The following HERC2 variants were observed in gnomAD, a reference collection of about 807,000 sequenced individuals.
HERC2 encodes the protein E3 ubiquitin-protein ligase HERC2.
Under a neutral mutation model 537.7 loss-of-function variants are expected in HERC2, and 102 were observed. The observed-to-expected ratio is 0.19, with a 90% CI of 0.16 to 0.22. The LOEUF is 0.22. Among genes scored for constraint, HERC2 ranks in the 10% least tolerant of loss-of-function variants. HERC2 has a pLI of 1.00. For synonymous variants in HERC2, 2,224 were observed against 2,466.2 expected (o/e 0.90, Z 2.91); for missense variants, 4,236 against 6,198.2 (o/e 0.68, Z 10.63).
chr15:28,175,728 T>C (rs563685725), intron 63 of HERC2, 72 bp from the exon 64 acceptor site: 1 of 1,478,986 alleles, frequency 6.8e-7, no homozygotes. Flanking sequence ...AAGACACTCA[T>C]TGTCTCACAT....
At chr15:28,311,850 C>CTAAT (rs2076954449) in intron 2 of HERC2, among the ~76,000 whole-genome samples, 1 of 152,046 alleles carries the variant, frequency 6.6e-6, no homozygotes, top group Non-Finnish European at 1.5e-5. Context: ...GATTGAGAAA[C>CTAAT]ATTAGTGTTA....
At chr15:28,146,170 T>C (rs1286176525) in intron 71 of HERC2, 67 bp downstream of exon 71, 9 of 1,051,564 alleles carry the variant, frequency 8.6e-6, no homozygotes, top group East Asian at 4.8e-5. Context: ...GTCCTACAAA[T>C]GTGAAGGGTT....
At chr15:28,304,984 C>T (rs1010876894) in intron 2 of HERC2, among the ~76,000 whole-genome samples, 5 of 149,352 alleles carry the variant, frequency 3.3e-5, no homozygotes, top group Admixed American at 6.8e-5. Context: ...TTTATTCTTG[C>T]GATAGTTTAC....
intron 86 of HERC2, 54 bp downstream of exon 86, chr15:28,121,292 C>G: frequency 2.0e-6 from 3 of 1,523,902 alleles, no homozygotes; most frequent in Non-Finnish European, 2.7e-6. Context: ...CAGGTACCCA[C>G]GAAAGCATCA....
intron 26 of HERC2, 46 bp downstream of exon 26, chr15:28,236,917 C>A (rs28411296): frequency 1.3e-6 from 2 of 1,594,920 alleles, no homozygotes; most frequent in Non-Finnish European, 1.7e-6. Flanking sequence ...ACTTACAGTT[C>A]AAAAAAAATA....
Position 28,177,233 on chromosome 15 carries a change from A to G in HERC2, c.9255-106T>C. On this transcript the variant is annotated intron_variant, in intron 60 of 92. Coordinates refer to ENST00000261609, the MANE Select transcript of HERC2 (RefSeq NM_004667.6). This position sits in a 1 kb window ranked among gnomAD's most constrained non-coding sequence, Gnocchi z 5.0. ...CACATGTAGTCAACACAGGATCCAC[A>G]GATCAACTATCAAAACTTAAAGCAG... 1 of 1,282,918 alleles carries G rather than the reference A, an allele frequency of 7.8e-7. No homozygotes were observed. Among genetic ancestry groups the G allele is most frequent in the Non-Finnish European group, 1.1e-6 (1 of 920,586 alleles). 79.5% of individuals were successfully genotyped at this position (1,282,918 alleles called of 1,614,324 possible).
intron 2 of HERC2, among the ~76,000 whole-genome samples, chr15:28,318,703 C>A (rs767030080): frequency 6.6e-6 from 1 of 152,118 alleles, no homozygotes; most frequent in East Asian, 1.9e-4. Context: ...ATGAGCCCTG[C>A]ATTAGAGGTT....
chr15:28,138,679 T>G (rs1890893915), intron 78 of HERC2, among the ~76,000 whole-genome samples: 1 of 152,268 alleles, frequency 6.6e-6, no homozygotes, highest in African/African-American at 2.4e-5. Flanking sequence ...AGATTAAAGT[T>G]GTTTTCATGC....
intron 79 of HERC2, among the ~76,000 whole-genome samples, chr15:28,135,171 G>T (rs150755150): frequency 1.3e-5 from 2 of 152,104 alleles, no homozygotes; most frequent in South Asian, 4.2e-4. Context: ...TATCACGCAC[G>T]TTACACAAAA....
chr15:28,286,172 A>AAGAAGCTACTATTAAGAAGCTAATATT lies in HERC2; in HGVS notation c.323-5912_323-5886dup, dbSNP rs1279620591. Among the ~76,000 whole-genome samples, 10 of 152,110 alleles carry AAGAAGCTACTATTAAGAAGCTAATATT rather than the reference A, an allele frequency of 6.6e-5. 1 individual carries two copies. The highest frequency in any genetic ancestry group is 2.1e-4 in the South Asian group (1 of 4,828). ...GAGGAAAAACTTCCCAATTCATTTTAAGAAGCTACTATTAAGAAGCTAATA... is the reference window on the plus strand; with the variant it reads ...GAGGAAAAACTTCCCAATTCATTTTAAGAAGCTACTATTAAGAAGCTAATATTAGAAGCTACTATTAAGAAGCTAATA... On this transcript the variant is annotated intron_variant, in intron 4 of 92. Transcript: ENST00000261609.
rs111343186 is a variant in HERC2 at position 28,219,251 on chromosome 15, G to A, written c.5846-580C>T. Among the ~76,000 whole-genome samples the A allele has an allele frequency of 3.6e-3, 550 of 152,330 alleles. 2 individuals carry two copies. Among genetic ancestry groups the A allele is most frequent in the African/African-American group, 0.012 (518 of 41,580 alleles). ...CATCTGTGGAGTGGGGCGACCAGAC[G>A]CTCATGCAGCCCGCTTGGCTGGCTT... On this transcript the variant is annotated intron_variant, in intron 37 of 92. Coordinates refer to ENST00000261609, the MANE Select transcript of HERC2 (RefSeq NM_004667.6).
chr15:28,282,578 A>G (rs1311862627), intron 4 of HERC2, among the ~76,000 whole-genome samples: 2 of 152,240 alleles, frequency 1.3e-5, no homozygotes, highest in Admixed American at 6.5e-5. Flanking sequence ...TGGAGGAAAA[A>G]GGGCAAAGAA....
At chr15:28,249,829 T>G (rs1904103902) in intron 20 of HERC2, among the ~76,000 whole-genome samples, 1 of 151,734 alleles carries the variant, frequency 6.6e-6, no homozygotes, top group African/African-American at 2.4e-5. Flanking sequence ...TTTTTTTTTT[T>G]TTTTTAAGTG....
At position 28,288,653 on chromosome 15, in the gene HERC2, C is replaced by A. The variant is rs569626552; in HGVS notation, c.322+4235G>T. ...CTAAGGTCAGGAGTTCAAGGCGAGC[C>A]TGGCAAACACAGTGAAACCCTGTCT... On this transcript the variant is annotated intron_variant, in intron 4 of 92. Transcript: ENST00000261609. Among the ~76,000 whole-genome samples the A allele has an allele frequency of 7.8e-4, 118 of 151,482 alleles. 1 individual carries two copies. Among genetic ancestry groups the A allele is most frequent in the Admixed American group, 2.8e-3 (43 of 15,228 alleles).
chr15:28,179,833 C>T (rs1412862537), intron 57 of HERC2, among the ~76,000 whole-genome samples: 1 of 152,122 alleles, frequency 6.6e-6, no homozygotes, highest in African/African-American at 2.4e-5. Context: ...TAGAAAAAAG[C>T]TTACAGCATA....
intron 52 of HERC2, among the ~76,000 whole-genome samples, chr15:28,192,866 C>T (rs951660715): frequency 3.3e-5 from 5 of 152,032 alleles, no homozygotes; most frequent in Admixed American, 6.5e-5. Context: ...ACAACCCACA[C>T]TTGGAACCCC....
chr15:28,207,608 T>C (rs1898625522), intron 44 of HERC2, among the ~76,000 whole-genome samples: 1 of 152,226 alleles, frequency 6.6e-6, no homozygotes, highest in South Asian at 2.1e-4. Flanking sequence ...CTGTTATGAG[T>C]AGCTTTAGGT....
At chr15:28,145,835 T>C (rs1426081702) in intron 71 of HERC2, among the ~76,000 whole-genome samples, 2 of 152,176 alleles carry the variant, frequency 1.3e-5, no homozygotes, top group Non-Finnish European at 2.9e-5. Context: ...AAGCCGGACA[T>C]GTGGCTGCCT....
At chr15:28,218,994 T>C (rs1900232895) in intron 37 of HERC2, among the ~76,000 whole-genome samples, 2 of 152,150 alleles carry the variant, frequency 1.3e-5, no homozygotes, top group Admixed American at 6.5e-5. Flanking sequence ...AAACAGATCT[T>C]TACAAGAAGA....
Sources: allele counts gnomAD v4.1 joint callset (sites outside exome capture counted in the v4.1 genomes callset), GRCh38; gene constraint gnomAD v4.1.1; non-coding constraint Gnocchi (gnomAD v3.1); transcripts MANE v1.5; gene names NCBI Gene and HGNC (gene_info 2026-07-23, HGNC 2026-07-21).